Variants in MCFD2 observed in about 807,000 individuals in gnomAD.
MCFD2 encodes multiple coagulation factor deficiency 2, ER cargo receptor complex subunit.
MCFD2 carries 11 observed loss-of-function variants against 12.8 expected under a neutral mutation model. The ratio of observed to expected loss-of-function variants is 0.86; its 90% CI spans 0.54 to 1.42. The LOEUF is 1.42. MCFD2 is among the 40% of genes most tolerant of loss of function. The pLI is 0.00. For missense variants in MCFD2, 191 were observed against 178.6 expected, an observed-to-expected ratio of 1.07 and a Z score of -0.40; for synonymous variants, 70 against 68.1, an observed-to-expected ratio of 1.03 and a Z score of -0.14.
Position 46,908,770 on chromosome 2 carries a change from G to GA in MCFD2, c.149+252dup. 3.7e-6 allele frequency: 2 copies of GA among 539,352 alleles called. No homozygotes were observed. The highest frequency in any genetic ancestry group is 6.7e-6 in the Non-Finnish European group (2 of 299,074). The allele number at this position is 539,352 out of a possible 1,614,324, so 33.4% of individuals were successfully genotyped here. The stretch of plus-strand genomic sequence containing the variant: ...GTATGTGTGTGTGTCTGTCTGTGGT[G>GA]AAAAAAAGGAGAGACCGGATTCAGA... On this transcript the variant is annotated intron_variant, in intron 2 of 3. Coordinates refer to ENST00000319466, the MANE Select transcript of MCFD2 (RefSeq NM_139279.6). This position sits in a 1 kb window ranked among gnomAD's most constrained non-coding sequence, Gnocchi z 4.5.
chr2:46,909,395 T>C (rs1323260642), intron 1 of MCFD2, among the ~76,000 whole-genome samples: 2 of 152,182 alleles, frequency 1.3e-5, no homozygotes, highest in Admixed American at 6.5e-5. Context: ...CGAGGTTTCC[T>C]GAAGTGCCTG....
chr2:46,932,954 G>A (rs1056162246), intron 1 of MCFD2, among the ~76,000 whole-genome samples: 1 of 151,594 alleles, frequency 6.6e-6, no homozygotes, highest in African/African-American at 2.4e-5. Flanking sequence ...GCTCAAAACT[G>A]CTATAATCTC....
At chr2:46,916,834 C>T (rs1181327032), upstream of MCFD2, among the ~76,000 whole-genome samples, 1 of 151,972 alleles carries the variant, frequency 6.6e-6, no homozygotes. Context: ...GGGGTTTCAC[C>T]GTGTTGGCCA....
intron 1 of MCFD2, among the ~76,000 whole-genome samples, chr2:46,925,421 G>T (rs1207010003): frequency 1.3e-5 from 2 of 152,192 alleles, no homozygotes; most frequent in African/African-American, 4.8e-5. Flanking sequence ...AGCCGGGCAT[G>T]GTGGTGGGCG....
At chr2:46,911,115 C>T (rs1668468380) in intron 1 of MCFD2, among the ~76,000 whole-genome samples, 1 of 152,106 alleles carries the variant, frequency 6.6e-6, no homozygotes, top group Non-Finnish European at 1.5e-5. Flanking sequence ...CAATCTGTCT[C>T]AGACCTTTTA....
Position 46,908,881 on chromosome 2 carries a change from A to G in MCFD2, c.149+142T>C. On this transcript the variant is annotated intron_variant, in intron 2 of 3. Transcript: ENST00000319466. This position sits in a 1 kb window ranked among gnomAD's most constrained non-coding sequence, Gnocchi z 4.5. ...GAATACCTGACTTATAGGTGGCAAT[A>G]AGGAATAAGAATCATCCTTGAAGAA... The G allele has an allele frequency of 9.0e-7, 1 of 1,116,548 alleles. No individual in the cohort carries two copies. The highest frequency in any genetic ancestry group is 1.3e-6 in the Non-Finnish European group (1 of 742,564). 69.2% of individuals were successfully genotyped at this position (1,116,548 alleles called of 1,614,324 possible).
intron 3 of MCFD2, 189 bp from the exon 4 acceptor site, chr2:46,905,783 A>G: frequency 1.5e-6 from 1 of 650,822 alleles, no homozygotes; most frequent in Non-Finnish European, 2.8e-6. Flanking sequence ...GTATGGGGCT[A>G]CTTCTAGGAA....
intron 1 of MCFD2, among the ~76,000 whole-genome samples, chr2:46,931,278 G>T (rs1669686561): frequency 6.6e-6 from 1 of 152,324 alleles, no homozygotes; most frequent in East Asian, 1.9e-4. Context: ...TATAGACAGG[G>T]TCTGGCTCTA....
intron 1 of MCFD2, among the ~76,000 whole-genome samples, chr2:46,925,174 T>A (rs1233090038): frequency 6.6e-6 from 1 of 152,214 alleles, no homozygotes. Flanking sequence ...CAGGCTAGAT[T>A]TGAACTTCTG....
intron 1 of MCFD2, among the ~76,000 whole-genome samples, chr2:46,924,297 C>G (rs953453900): frequency 2.6e-5 from 4 of 151,938 alleles, no homozygotes; most frequent in Admixed American, 2.0e-4. Context: ...CCAGGGAAGC[C>G]TTGGTATCAG....
intron 1 of MCFD2, among the ~76,000 whole-genome samples, chr2:46,911,396 G>T: frequency 6.6e-6 from 1 of 151,270 alleles, no homozygotes; most frequent in Non-Finnish European, 1.5e-5. Flanking sequence ...CCAAAGTGCT[G>T]GGGTTACAGG....
At chr2:46,934,101 GTCAGTACACAGGAAGAACAGAAA>G (rs1669845716) in intron 1 of MCFD2, among the ~76,000 whole-genome samples, 1 of 151,714 alleles carries the variant, frequency 6.6e-6, no homozygotes, top group Admixed American at 6.6e-5. Flanking sequence ...AAATTTTTGA[GTCAGTACACAGGAAGAACAGAAA>G]CCATCTACAC....
upstream of MCFD2, chr2:46,915,903 GC>G: frequency 1.0e-6 from 1 of 984,960 alleles, no homozygotes; most frequent in Non-Finnish European, 1.2e-6. Context: ...GCGGCGGCGG[GC>G]TGTGAGGACG....
intron 1 of MCFD2, among the ~76,000 whole-genome samples, chr2:46,935,395 C>A (rs1196926847): frequency 1.3e-5 from 2 of 152,142 alleles, no homozygotes; most frequent in African/African-American, 4.8e-5. Context: ...AAACTCCTTT[C>A]TTGCCACTGA....
In MCFD2 at chr2:46,909,146, G is replaced by A. The variant is rs1005839493; in HGVS notation, c.26C>T (p.Thr9Ile). 1.2e-6 allele frequency: 2 copies of A among 1,614,164 alleles called. No individual in the cohort carries two copies. The highest frequency in any genetic ancestry group is 1.3e-5 in the African/African-American group (1 of 75,058). Residue 9 changes from threonine to isoleucine, a missense_variant, in exon 2 of 4, where the codon ACC (threonine) becomes ATC (isoleucine). Thr to Ile is a moderately conservative substitution (Grantham distance 89). Transcript: ENST00000319466. ...CCAGAGCAGGCCACACAGGAAGGGG[G>A]TTCTGAGCAGGGATCTCATGGTCAT... MTMRSLLR[T>I]PFLCGLLWAF...
rs1359454784 is a variant in MCFD2 at position 46,934,792 on chromosome 2, T to C, written c.-8+6780A>G. Among the ~76,000 whole-genome samples the C allele has an allele frequency of 8.9e-3, 617 of 69,416 alleles. 58 individuals carry two copies. Among genetic ancestry groups the C allele is most frequent in the Non-Finnish European group, 0.014 (498 of 34,418 alleles). The allele number at this position is 69,416 out of a possible 152,430, so 45.5% of individuals were successfully genotyped here. ...AAGGTATGAAGACTACTGCTCTTTT[T>C]TTTTTTTTTTTTTTTTTTTTTTTTT... On this transcript the variant is annotated intron_variant, in intron 1 of 2. Transcript: ENST00000409147.
At chr2:46,914,514 A>C (rs979143557) in intron 1 of MCFD2, among the ~76,000 whole-genome samples, 5 of 152,224 alleles carry the variant, frequency 3.3e-5, no homozygotes, top group Non-Finnish European at 7.3e-5. Flanking sequence ...GTTCTGAAAA[A>C]GCAGGCATTT....
At chr2:46,939,133 A>G (rs542174890) in intron 1 of MCFD2, among the ~76,000 whole-genome samples, 1 of 152,328 alleles carries the variant, frequency 6.6e-6, no homozygotes, top group East Asian at 1.9e-4. Context: ...ATAAATTAAA[A>G]ATAATAGTAA....
At position 46,902,141 on chromosome 2, in the gene MCFD2, T is replaced by G. The variant is rs1291921502; in HGVS notation, c.*3322A>C. The G allele has an allele frequency of 1.3e-5, 2 of 152,666 alleles. No individual in the cohort carries two copies. The highest frequency in any genetic ancestry group is 1.5e-5 in the Non-Finnish European group (1 of 68,036). 9.5% of individuals were successfully genotyped at this position (152,666 alleles called of 1,614,324 possible). A position where few individuals can be genotyped will look rare whatever the true frequency, so the allele number is the denominator to read the frequency against. ...TTTCTATTACAGAACGTCCATCACATCCAATAAACCAAATTACAATCTGCT... is the reference window on the plus strand; with the variant it reads ...TTTCTATTACAGAACGTCCATCACAGCCAATAAACCAAATTACAATCTGCT... On this transcript the variant is annotated 3_prime_UTR_variant, in exon 4 of 4. Transcript: ENST00000319466.
Sources: gnomAD v4.1 joint callset for allele counts (sites outside exome capture counted in the v4.1 genomes callset) on GRCh38, gnomAD v4.1.1 for gene constraint, Gnocchi (gnomAD v3.1) non-coding constraint, MANE v1.5 for transcripts, NCBI Gene and HGNC (gene_info 2026-07-23, HGNC 2026-07-21) for gene names.